Variants in EPHB2 observed in about 807,000 individuals in gnomAD.
EPHB2 encodes the protein EPH receptor B2.
A neutral mutation model predicts 96.4 loss-of-function variants in EPHB2; 18 were observed. That is an observed-to-expected ratio of 0.19 (90% CI 0.13 to 0.28). EPHB2 has a LOEUF of 0.28. EPHB2 is among the 10% of genes least tolerant of loss of function. The probability of loss-of-function intolerance (pLI) is 1.00; values close to 1 mark genes in which losing one functional copy is unlikely to be tolerated. For synonymous variants in EPHB2, 506 were observed against 534.1 expected (o/e 0.95, Z 0.72); for missense variants, 989 against 1,355.4 (o/e 0.73, Z 4.25).
chr1:22,716,968 G>T (rs1170979754), intron 1 of EPHB2, among the ~76,000 whole-genome samples: 1 of 152,224 alleles, frequency 6.6e-6, no homozygotes. Flanking sequence ...TGGGAGATGG[G>T]GAACAAGGTT....
At chr1:22,887,873 G>A (rs1343278873) in intron 6 of EPHB2, among the ~76,000 whole-genome samples, 3 of 152,160 alleles carry the variant, frequency 2.0e-5, no homozygotes, top group Admixed American at 6.5e-5. Context: ...AGGATGGGGG[G>A]TGAAACTATG....
rs563270550 is a variant in EPHB2 at position 22,884,189 on chromosome 1, A to G, written c.1428+1706A>G. On this transcript the variant is annotated intron_variant, in intron 6 of 15. Transcript: ENST00000374630. ...TGAATTGTGTGAATGAATGAGAGAC[A>G]TGAGTGATGGAGCCTGTGAATGAAA... Among the ~76,000 whole-genome samples the G allele has an allele frequency of 3.3e-5, 5 of 152,344 alleles. No homozygotes were observed. In the Middle Eastern group the frequency reaches 0.01, roughly 311 times the overall value.
At chr1:22,874,164 A>T (rs1274730583) in intron 5 of EPHB2, among the ~76,000 whole-genome samples, 1 of 152,216 alleles carries the variant, frequency 6.6e-6, no homozygotes, top group African/African-American at 2.4e-5. Context: ...AGCAGCCCAG[A>T]CAGCTGCATT....
intron 13 of EPHB2, 104 bp downstream of exon 13, chr1:22,909,275 G>A: frequency 6.4e-7 from 1 of 1,570,726 alleles, no homozygotes; most frequent in Non-Finnish European, 8.7e-7. Flanking sequence ...GTGGGACATA[G>A]GCTTCTGAGA....
intron 3 of EPHB2, among the ~76,000 whole-genome samples, chr1:22,837,111 A>G (rs1464834434): frequency 6.6e-6 from 1 of 152,220 alleles, no homozygotes; most frequent in Non-Finnish European, 1.5e-5. Flanking sequence ...AGGCTTGGGC[A>G]CTGGATCAGC....
intron 1 of EPHB2, among the ~76,000 whole-genome samples, chr1:22,729,391 T>G (rs1336760238): frequency 6.6e-6 from 1 of 152,218 alleles, no homozygotes; most frequent in Non-Finnish European, 1.5e-5. Context: ...GACCCAGAAT[T>G]GGATCATGAA....
rs527442229 is a variant in EPHB2, at chr1:22,877,949, A to G, written c.1304-4410A>G. Among the ~76,000 whole-genome samples the G allele has an allele frequency of 2.0e-4, 31 of 152,356 alleles. No homozygotes were observed. The South Asian group carries it at 5.2e-3, about 25-fold the overall frequency. ...GGAGGCCAGCAATGTGAATTTTAAT[A>G]AACTCTCCTGGTTATCCTTATGCCC... On this transcript the variant is annotated intron_variant, in intron 5 of 15. Transcript: ENST00000374630.
intron 9 of EPHB2, 81 bp downstream of exon 9, chr1:22,896,559 C>T: frequency 6.4e-7 from 1 of 1,561,418 alleles, no homozygotes; most frequent in Admixed American, 1.7e-5. Context: ...CATCTTTGAC[C>T]TCCTTCTGCC....
intron 8 of EPHB2, among the ~76,000 whole-genome samples, chr1:22,896,180 CTT>C (rs1195688699): frequency 1.3e-5 from 2 of 152,036 alleles, no homozygotes; most frequent in African/African-American, 4.8e-5. Flanking sequence ...TGGAAGATGA[CTT>C]TACTTTTTGA....
intron 2 of EPHB2, among the ~76,000 whole-genome samples, chr1:22,783,080 G>A (rs1644557812): frequency 6.6e-6 from 1 of 152,208 alleles, no homozygotes; most frequent in South Asian, 2.1e-4. Flanking sequence ...CATCAAGTTA[G>A]TAGAGCTGGG....
In EPHB2 at chr1:22,795,262, A is replaced by G. The variant is rs866405029; in HGVS notation, c.811+10186A>G. On this transcript the variant is annotated intron_variant, in intron 3 of 15. Coordinates refer to ENST00000374630, the MANE Select transcript of EPHB2 (RefSeq NM_017449.5). ...GTCCCTGGAGAGGAGGGAACATTCT[A>G]TTGTTAATTCTTTATTGGCAGAACT... 5.3e-5 allele frequency among the ~76,000 whole-genome samples: 8 copies of G among 152,352 alleles called. No individual in the cohort carries two copies. In the Middle Eastern group the frequency reaches 0.024, roughly 453 times the overall value.
intron 6 of EPHB2, among the ~76,000 whole-genome samples, chr1:22,886,114 C>A (rs1224944313): frequency 6.6e-6 from 1 of 152,134 alleles, no homozygotes; most frequent in Non-Finnish European, 1.5e-5. Context: ...AGGAGGGCAC[C>A]AATAGGGGCC....
At position 22,818,650 on chromosome 1, in the gene EPHB2, G is replaced by A. The variant is rs1409473761; in HGVS notation, c.811+33574G>A. On this transcript the variant is annotated intron_variant, in intron 3 of 15. Transcript: ENST00000374630. The stretch of plus-strand genomic sequence containing the variant: ...CAGCCATGCTGTGCAACTGGGATGT[G>A]CTGAGTCCTACCTCTGAGCCTTGGC... Among the ~76,000 whole-genome samples, 3 of 152,080 alleles carry A rather than the reference G, an allele frequency of 2.0e-5. No homozygotes were observed. In the South Asian group the frequency reaches 6.2e-4, roughly 32 times the overall value.
chr1:22,774,154 T>A (rs1286669934), intron 1 of EPHB2, among the ~76,000 whole-genome samples: 3 of 152,166 alleles, frequency 2.0e-5, no homozygotes, highest in Non-Finnish European at 2.9e-5. Context: ...CCACCTCCTC[T>A]GAGATGCCTT....
chr1:22,836,353 A>T (rs1036723498), intron 3 of EPHB2, among the ~76,000 whole-genome samples: 3 of 152,126 alleles, frequency 2.0e-5, no homozygotes, highest in East Asian at 1.9e-4. Context: ...AGGCCCTTTC[A>T]CTTGTCCCCA....
chr1:22,756,807 GA>G (rs1277158623), intron 1 of EPHB2, among the ~76,000 whole-genome samples: 1 of 151,848 alleles, frequency 6.6e-6, no homozygotes, highest in Non-Finnish European at 1.5e-5. Context: ...CCTTAGATAT[GA>G]GGAGGCTGTA....
At chr1:22,853,121 C>T (rs1201805197) in intron 3 of EPHB2, among the ~76,000 whole-genome samples, 3 of 152,192 alleles carry the variant, frequency 2.0e-5, no homozygotes, top group South Asian at 4.1e-4. Context: ...GAGGCCAAGG[C>T]GGGCAGATCA....
At chr1:22,828,147 T>C (rs1039284202) in intron 3 of EPHB2, among the ~76,000 whole-genome samples, 4 of 152,232 alleles carry the variant, frequency 2.6e-5, no homozygotes, top group Non-Finnish European at 4.4e-5. Context: ...CACTCAGTTC[T>C]CTCTGGGTTG....
At chr1:22,728,703 T>C (rs1643636685) in intron 1 of EPHB2, among the ~76,000 whole-genome samples, 1 of 152,194 alleles carries the variant, frequency 6.6e-6, no homozygotes, top group African/African-American at 2.4e-5. Flanking sequence ...GGGATGATCT[T>C]CCCATGGCCG....
Sources: gnomAD v4.1 joint callset for allele counts (sites outside exome capture counted in the v4.1 genomes callset) on GRCh38, gnomAD v4.1.1 for gene constraint, MANE v1.5 for transcripts, NCBI Gene and HGNC (gene_info 2026-07-23, HGNC 2026-07-21) for gene names.